Variants in CDH23 observed in about 807,000 individuals in gnomAD.
CDH23 encodes cadherin-23.
Under a neutral mutation model 317.1 loss-of-function variants are expected in CDH23, and 189 were observed. That is an observed-to-expected ratio of 0.60 (90% CI 0.53 to 0.67). The LOEUF (loss-of-function observed/expected upper bound fraction) is 0.67. Among genes scored for constraint, CDH23 ranks in the 30% least tolerant of loss-of-function variants. The pLI, the probability that CDH23 is intolerant of heterozygous loss-of-function variation, is 0.00. For missense variants in CDH23, 4,401 were observed against 4,592.4 expected, an observed-to-expected ratio of 0.96 and a Z score of 1.20; for synonymous variants, 1,839 against 1,876.8, an observed-to-expected ratio of 0.98 and a Z score of 0.52.
chr10:71,596,912 C>T (rs182699103), intron 9 of CDH23, among the ~76,000 whole-genome samples: 91 of 152,278 alleles, frequency 6.0e-4, no homozygotes, highest in Non-Finnish European at 1.1e-3. Flanking sequence ...CCCCGCTGCC[C>T]GGCACTCCCT....
At chr10:71,692,957 C>T (rs1275995318) in intron 20 of CDH23, among the ~76,000 whole-genome samples, 1 of 152,202 alleles carries the variant, frequency 6.6e-6, no homozygotes, top group South Asian at 2.1e-4. Context: ...GCATGGAAGT[C>T]ACACTAATCT....
intron 6 of CDH23, among the ~76,000 whole-genome samples, chr10:71,543,616 C>T (rs1856107527): frequency 1.3e-5 from 2 of 152,334 alleles, no homozygotes; most frequent in South Asian, 2.1e-4. Context: ...CTGAATTTTA[C>T]AAGTCCTCAT....
intron 48 of CDH23, among the ~76,000 whole-genome samples, chr10:71,796,622 C>T (rs192682181): frequency 2.2e-4 from 33 of 152,284 alleles, no homozygotes; most frequent in Middle Eastern, 3.4e-3. Context: ...ACGAAATTTA[C>T]CATTTTAGCC....
chr10:71,596,141 C>A (rs1859827256), intron 9 of CDH23, among the ~76,000 whole-genome samples: 1 of 151,946 alleles, frequency 6.6e-6, no homozygotes, highest in South Asian at 2.1e-4. Flanking sequence ...GAGAGACTGG[C>A]CTACAGTGAG....
At position 71,690,647 on chromosome 10, in the gene CDH23, G is replaced by A. The variant is rs534895510; in HGVS notation, c.2176+63G>A. 11 of 1,206,802 alleles carry A rather than the reference G, an allele frequency of 9.1e-6. No individual in the cohort carries two copies. The African/African-American group carries it at 1.7e-4, about 18-fold the overall frequency. The allele number at this position is 1,206,802 out of a possible 1,614,324, so 74.8% of individuals were successfully genotyped here. A position where few individuals can be genotyped will look rare whatever the true frequency, so the allele number is the denominator to read the frequency against. ...CCCTGAGGCTGACTGTCCATACCCG[G>A]CCCCAGGACCAGCCTCTGGGCCCAG... On this transcript the variant is annotated intron_variant, in intron 20 of 69. Coordinates refer to ENST00000224721, the MANE Select transcript of CDH23 (RefSeq NM_022124.6).
intron 13 of CDH23, 56 bp from the exon 14 acceptor site, chr10:71,646,403 G>A (rs760460621): frequency 1.1e-5 from 18 of 1,595,838 alleles, no homozygotes; most frequent in Non-Finnish European, 1.4e-5. Flanking sequence ...ACAGGGACAA[G>A]GACTCTGGGA....
At chr10:71,759,836 CACACACACACATAT>C (rs1840256114) in intron 38 of CDH23, among the ~76,000 whole-genome samples, 1 of 71,332 alleles carries the variant, frequency 1.4e-5, no homozygotes, top group African/African-American at 3.9e-5. Context: ...CACACACACA[CACACACACACATAT>C]ACACACACAC....
At chr10:71,608,557 C>T (rs1055935604) in intron 9 of CDH23, among the ~76,000 whole-genome samples, 2 of 152,196 alleles carry the variant, frequency 1.3e-5, no homozygotes, top group African/African-American at 4.8e-5. Flanking sequence ...CTGGTTGACC[C>T]TTTGGAATTG....
At chr10:71,480,657 A>G (rs904240456) in intron 3 of CDH23, among the ~76,000 whole-genome samples, 2 of 152,184 alleles carry the variant, frequency 1.3e-5, no homozygotes, top group African/African-American at 2.4e-5. Context: ...GGCGTCCACG[A>G]CCTGTGAGCC....
At chr10:71,535,301 A>C (rs1200609408) in intron 6 of CDH23, among the ~76,000 whole-genome samples, 1 of 152,018 alleles carries the variant, frequency 6.6e-6, no homozygotes, top group Non-Finnish European at 1.5e-5. Flanking sequence ...TCAGGTCTCC[A>C]TGTTCTACCG....
chr10:71,506,471 G>C (rs1451454996), intron 3 of CDH23, among the ~76,000 whole-genome samples: 1 of 152,192 alleles, frequency 6.6e-6, no homozygotes, highest in Non-Finnish European at 1.5e-5. Flanking sequence ...TGTTTCTCAG[G>C]TGGGAAGCAA....
intron 3 of CDH23, among the ~76,000 whole-genome samples, chr10:71,456,347 G>T (rs1850694781): frequency 6.6e-6 from 1 of 151,938 alleles, no homozygotes; most frequent in South Asian, 2.1e-4. Context: ...GGGCTTGGGT[G>T]CTTCTGCGTC....
At chr10:71,584,144 C>G (rs2132422314) in intron 9 of CDH23, among the ~76,000 whole-genome samples, 1 of 152,282 alleles carries the variant, frequency 6.6e-6, no homozygotes, top group South Asian at 2.1e-4. Flanking sequence ...AAATTTTGTA[C>G]TGGGGAAGAT....
intron 3 of CDH23, among the ~76,000 whole-genome samples, chr10:71,472,167 G>T (rs550450624): frequency 6.6e-6 from 1 of 152,350 alleles, no homozygotes; most frequent in Admixed American, 6.5e-5. Flanking sequence ...CAGGCTCCCA[G>T]ATCAGCTGGC....
chr10:71,719,176 A>G lies in CDH23; in HGVS notation c.3370-4869A>G, dbSNP rs79680491. On this transcript the variant is annotated intron_variant, in intron 28 of 69. Coordinates refer to ENST00000224721, the MANE Select transcript of CDH23 (RefSeq NM_022124.6). The stretch of plus-strand genomic sequence containing the variant: ...ATTCCTAAGTGCTTGAAAACAACAC[A>G]ACACCCTTCCTGGAGCACGAGGCAA... Among the ~76,000 whole-genome samples the G allele has an allele frequency of 3.0e-3, 460 of 152,306 alleles. 1 individual carries two copies. The highest frequency in any genetic ancestry group is 0.01 in the African/African-American group (430 of 41,570).
chr10:71,464,935 T>C (rs1490497475), intron 3 of CDH23, among the ~76,000 whole-genome samples: 1 of 152,188 alleles, frequency 6.6e-6, no homozygotes, highest in African/African-American at 2.4e-5. Context: ...GGAGGGCCAA[T>C]TAGGTGCCAG....
rs369688812 is a variant in CDH23, at chr10:71,516,330, G to A, written c.429+5118G>A. Reference sequence around the variant, plus strand: ...CTGGAGCTGGGGTGAGATCCTGGGAGCCTGAGAGGTGGAGGGTCCTTGCCT... The same window carrying A: ...CTGGAGCTGGGGTGAGATCCTGGGAACCTGAGAGGTGGAGGGTCCTTGCCT... On this transcript the variant is annotated intron_variant, in intron 6 of 69. Coordinates refer to ENST00000224721, the MANE Select transcript of CDH23 (RefSeq NM_022124.6). Among the ~76,000 whole-genome samples, 5 of 152,200 alleles carry A rather than the reference G, an allele frequency of 3.3e-5. No individual in the cohort carries two copies. The South Asian group carries it at 1.0e-3, about 31-fold the overall frequency.
At chr10:71,639,686 G>A (rs563153707) in intron 11 of CDH23, among the ~76,000 whole-genome samples, 3 of 152,266 alleles carry the variant, frequency 2.0e-5, no homozygotes, top group Non-Finnish European at 2.9e-5. Context: ...GTGGACTGAC[G>A]CTGTCTTTGG....
chr10:71,705,177 A>G (rs893421256), intron 25 of CDH23, 47 bp downstream of exon 25: 7 of 1,545,396 alleles, frequency 4.5e-6, no homozygotes. Flanking sequence ...GTGTGGGCAC[A>G]GGCCTGGGTC....
Sources: gnomAD v4.1 joint callset for allele counts (sites outside exome capture counted in the v4.1 genomes callset) on GRCh38, gnomAD v4.1.1 for gene constraint, MANE v1.5 for transcripts, NCBI Gene and HGNC (gene_info 2026-07-23, HGNC 2026-07-21) for gene names.